SCAMP4: variants seen among roughly 807,000 people sequenced by gnomAD.
The protein encoded by SCAMP4 is secretory carrier membrane protein 4.
Under a neutral mutation model 32.1 loss-of-function variants are expected in SCAMP4, and 19 were observed. The observed-to-expected ratio is 0.59, with a 90% CI of 0.41 to 0.87. The LOEUF (loss-of-function observed/expected upper bound fraction) is 0.87, where lower values mean the gene tolerates loss of function less well. SCAMP4 is among the 40% of genes least tolerant of loss of function. The probability of loss-of-function intolerance (pLI) is 0.00; values close to 1 mark genes in which losing one functional copy is unlikely to be tolerated. For synonymous variants in SCAMP4, 152 were observed against 132.7 expected, an observed-to-expected ratio of 1.15 and a Z score of -1.00; for missense variants, 302 against 309.0, an observed-to-expected ratio of 0.98 and a Z score of 0.17.
chr19:1,912,431 G>A, intron 1 of SCAMP4: 1 of 1,511,110 alleles, frequency 6.6e-7, no homozygotes. Flanking sequence ...TCCTGCCACG[G>A]CCGGCTGTGG....
chr19:1,915,553 G>C (rs992198304), intron 2 of SCAMP4: 3 of 169,600 alleles, frequency 1.8e-5, no homozygotes, highest in African/African-American at 7.2e-5. Context: ...CTGTGAGTGG[G>C]ACCTCATTTG....
At position 1,918,991 on chromosome 19, in the gene SCAMP4, G is replaced by T; in HGVS notation, c.395+1G>T. The T allele has an allele frequency of 6.2e-7, 1 of 1,603,618 alleles. No individual in the cohort carries two copies. Among genetic ancestry groups the T allele is most frequent in the Non-Finnish European group, 8.5e-7 (1 of 1,175,222 alleles). Reference sequence around the variant, plus strand: ...TTGGCTTCTCCGGCTGGGGCGCGTGGTAAGCCTCTCTCTGATGGGCGTGGT... The same window carrying T: ...TTGGCTTCTCCGGCTGGGGCGCGTGTTAAGCCTCTCTCTGATGGGCGTGGT... On this transcript the variant is annotated splice_donor_variant, in intron 5 of 6. Coordinates refer to ENST00000316097, the MANE Select transcript of SCAMP4 (RefSeq NM_079834.4). LOFTEE classifies it high-confidence loss of function.
intron 1 of SCAMP4, chr19:1,905,746 C>G (rs977859374): frequency 6.6e-6 from 1 of 152,376 alleles, no homozygotes; most frequent in Non-Finnish European, 1.5e-5. Flanking sequence ...ACCCCGTATC[C>G]TCCAGCTGCT....
intron 1 of SCAMP4, chr19:1,912,565 C>G: frequency 6.7e-7 from 1 of 1,498,738 alleles, no homozygotes; most frequent in Non-Finnish European, 8.8e-7. Context: ...AAGCAGGTGA[C>G]CAGCGCCCTG....
Position 1,910,575 on chromosome 19 carries a change from CTTTTT to C in SCAMP4, c.-41-4388_-41-4384del, listed in dbSNP as rs11350651. Among the ~76,000 whole-genome samples, 619 of 95,110 alleles carry C rather than the reference CTTTTT, an allele frequency of 6.5e-3. 5 individuals are homozygous for C. The highest frequency in any genetic ancestry group is 5.0e-3 in the African/African-American group (130 of 26,174). The allele number at this position is 95,110 out of a possible 152,430, so 62.4% of individuals were successfully genotyped here. On this transcript the variant is annotated intron_variant, in intron 1 of 6. Coordinates refer to ENST00000316097, the MANE Select transcript of SCAMP4 (RefSeq NM_079834.4). ...TGATAGTTTTTGGTTTTTGAGGTGTCTTTTTTTTTTTTTTTTTTTTGAGACAGAGT... is the reference window on the plus strand; with the variant it reads ...TGATAGTTTTTGGTTTTTGAGGTGTCTTTTTTTTTTTTTTTGAGACAGAGT...
chr19:1,907,640 C>T (rs1862791735), intron 1 of SCAMP4, among the ~76,000 whole-genome samples: 1 of 152,150 alleles, frequency 6.6e-6, no homozygotes, highest in Non-Finnish European at 1.5e-5. Context: ...CCAGGGTTGT[C>T]ACCACGCAGG....
At chr19:1,915,902 G>A (rs2013716574) in intron 2 of SCAMP4, among the ~76,000 whole-genome samples, 1 of 150,444 alleles carries the variant, frequency 6.6e-6, no homozygotes, top group Non-Finnish European at 1.5e-5. Flanking sequence ...GCGAGATCGG[G>A]CCACTGCACT....
rs373420560 is a variant in SCAMP4 at position 1,918,235 on chromosome 19, C to G, written c.245C>G (p.Thr82Arg). Residue 82 changes from threonine to arginine, a missense_variant, in exon 4 of 7, where the codon ACG becomes AGG. Physicochemically the swap from Thr to Arg is moderately conservative, Grantham distance 71. Transcript: ENST00000316097. ...GLAFVWLLLFTPCGYVCWFRP... is the reference protein window; with the variant it reads ...GLAFVWLLLFRPCGYVCWFRP... ...GCCTTCGTGTGGCTGCTCCTGTTCA[C>G]GCCTTGCGGCTACGTGTGCTGGTTC... The G allele has an allele frequency of 6.2e-7, 1 of 1,610,300 alleles. No individual in the cohort carries two copies.
chr19:1,912,852 C>T, intron 1 of SCAMP4: 3 of 1,597,118 alleles, frequency 1.9e-6, no homozygotes, highest in Non-Finnish European at 2.5e-6. Context: ...CTCCTTCGCC[C>T]CGGCCGCTGC....
intron 1 of SCAMP4, chr19:1,911,990 A>C: frequency 7.1e-7 from 1 of 1,411,764 alleles, no homozygotes; most frequent in Non-Finnish European, 9.2e-7. Flanking sequence ...TGCCTTGTGG[A>C]GCCACGGCCT....
chr19:1,916,280 G>C (rs926248215), intron 2 of SCAMP4, among the ~76,000 whole-genome samples: 7 of 152,032 alleles, frequency 4.6e-5, no homozygotes, highest in African/African-American at 7.2e-5. Context: ...GAGTCGTCGT[G>C]GAGATGGAGG....
Position 1,924,385 on chromosome 19 carries a change from C to A in SCAMP4, c.*101C>A, listed in dbSNP as rs1012463640. 1.6e-5 allele frequency: 18 copies of A among 1,110,146 alleles called. 1 individual carries two copies. The highest frequency in any genetic ancestry group is 1.2e-4 in the South Asian group (8 of 68,290). The allele number at this position is 1,110,146 out of a possible 1,614,324, so 68.8% of individuals were successfully genotyped here. A position where few individuals can be genotyped will look rare whatever the true frequency, so the allele number is the denominator to read the frequency against. ...GGGAGTACCTGGGGCCCCATCCCCC[C>A]AGCTGGGATGGTGGAAGCCGGTGGT... is the stretch of plus-strand genomic sequence containing the variant. On this transcript the variant is annotated 3_prime_UTR_variant, in exon 7 of 7. Transcript: ENST00000316097.
intron 5 of SCAMP4, chr19:1,921,432 T>C (rs566606730): frequency 1.0e-6 from 1 of 985,410 alleles, no homozygotes; most frequent in East Asian, 1.1e-4. Context: ...AGCCAGGTAC[T>C]GAGGACACGG....
chr19:1,921,132 C>T (rs966283481), intron 5 of SCAMP4: 26 of 985,346 alleles, frequency 2.6e-5, no homozygotes, highest in South Asian at 9.4e-5. Context: ...TGAGGCCCCA[C>T]GCTCAGTGCG....
At chr19:1,911,452 G>A (rs974124431) in intron 1 of SCAMP4, among the ~76,000 whole-genome samples, 5 of 152,214 alleles carry the variant, frequency 3.3e-5, no homozygotes, top group East Asian at 3.8e-4. Flanking sequence ...GATTACAGGC[G>A]TGAGCCGCTG....
rs528562200 is a variant in SCAMP4, at chr19:1,916,615, C to T, written c.8-1079C>T. On this transcript the variant is annotated intron_variant, in intron 2 of 6. Coordinates refer to ENST00000316097, the MANE Select transcript of SCAMP4 (RefSeq NM_079834.4). ...CTGGGACCACAGGCACGCACCACCA[C>T]GCTTGGCTAATTTTTGTAGTTTTTG... Among the ~76,000 whole-genome samples the T allele has an allele frequency of 7.2e-5, 11 of 152,206 alleles. No individual in the cohort carries two copies. In the East Asian group the frequency reaches 1.7e-3, roughly 24 times the overall value.
chr19:1,912,597 CAGG>C, intron 1 of SCAMP4: 1 of 1,489,368 alleles, frequency 6.7e-7, no homozygotes, highest in Non-Finnish European at 8.9e-7. Context: ...CTTCTCCACG[CAGG>C]AGCGCGCCGC....
At chr19:1,910,289 G>A (rs922353003) in intron 1 of SCAMP4, among the ~76,000 whole-genome samples, 14 of 152,220 alleles carry the variant, frequency 9.2e-5, no homozygotes, top group South Asian at 4.1e-4. Flanking sequence ...AGCAGCTTGC[G>A]GCCGGGGGAC....
In SCAMP4 at chr19:1,924,336, C is replaced by CTGCT. The variant is rs2014031765; in HGVS notation, c.*53_*56dup. On this transcript the variant is annotated 3_prime_UTR_variant, in exon 7 of 7. Transcript: ENST00000316097. ...CACCACCTCCTCCCCTTCATTCCTG[C>CTGCT]TGCTACCCCTGGTCCCGAGGGCTGG... The CTGCT allele has an allele frequency of 1.3e-6, 2 of 1,500,648 alleles. No homozygotes were observed. The highest frequency in any genetic ancestry group is 2.8e-5 in the African/African-American group (2 of 72,556). 93.0% of individuals were successfully genotyped at this position (1,500,648 alleles called of 1,614,324 possible). A position where few individuals can be genotyped will look rare whatever the true frequency, so the allele number is the denominator to read the frequency against.
Sources: gnomAD v4.1 joint callset for allele counts (sites outside exome capture counted in the v4.1 genomes callset) on GRCh38, gnomAD v4.1.1 for gene constraint, MANE v1.5 for transcripts, NCBI Gene and HGNC (gene_info 2026-07-23, HGNC 2026-07-21) for gene names.